The following VPS13B variants were observed in gnomAD, a reference collection of about 807,000 sequenced individuals.
The protein encoded by VPS13B is intermembrane lipid transfer protein VPS13B.
Under a neutral mutation model 426.4 loss-of-function variants are expected in VPS13B, and 285 were observed. The observed-to-expected ratio is 0.67, with a 90% confidence interval of 0.61 to 0.74. The LOEUF is 0.74. Among genes scored for constraint, VPS13B ranks in the 30% least tolerant of loss-of-function variants. The pLI is 0.00. For synonymous variants in VPS13B, 1,676 were observed against 1,676.4 expected, an observed-to-expected ratio of 1.00 and a Z score of 0.01; for missense variants, 4,537 against 4,782.6, an observed-to-expected ratio of 0.95 and a Z score of 1.51.
chr8:99,371,959 C>CAAAG (rs1477692683), intron 19 of VPS13B, among the ~76,000 whole-genome samples: 1 of 152,124 alleles, frequency 6.6e-6, no homozygotes, highest in Non-Finnish European at 1.5e-5. Flanking sequence ...TAGGCATGGG[C>CAAAG]AAAGACTTCA....
chr8:99,442,157 G>T (rs1335984967), intron 22 of VPS13B, among the ~76,000 whole-genome samples: 11 of 151,976 alleles, frequency 7.2e-5, no homozygotes, highest in Admixed American at 7.2e-4. Context: ...ACTCAATCTT[G>T]TGTCTTGGAA....
At chr8:99,112,831 A>G (rs1847437335) in intron 6 of VPS13B, among the ~76,000 whole-genome samples, 1 of 152,124 alleles carries the variant, frequency 6.6e-6, no homozygotes, top group Non-Finnish European at 1.5e-5. Context: ...ATGAGGAAAA[A>G]CTTAGTGTTG....
At chr8:99,283,159 C>T (rs1413431932) in intron 19 of VPS13B, among the ~76,000 whole-genome samples, 1 of 152,094 alleles carries the variant, frequency 6.6e-6, no homozygotes, top group Non-Finnish European at 1.5e-5. Flanking sequence ...AAAAATTCTG[C>T]TCCTAATGTA....
intron 61 of VPS13B, among the ~76,000 whole-genome samples, chr8:99,872,087 A>C (rs115522621): frequency 0.017 from 2,522 of 152,252 alleles, 71 homozygotes; most frequent in African/African-American, 0.058. Flanking sequence ...TGGGGCAGCA[A>C]TTCCACGCAA....
intron 3 of VPS13B, among the ~76,000 whole-genome samples, chr8:99,043,840 G>A (rs1843079496): frequency 6.6e-6 from 1 of 151,970 alleles, no homozygotes; most frequent in Admixed American, 6.6e-5. Flanking sequence ...GTTATGTTGT[G>A]GAGTTTGCTG....
chr8:99,121,097 A>C, intron 7 of VPS13B, 80 bp from the exon 8 acceptor site: 2 of 1,427,888 alleles, frequency 1.4e-6, no homozygotes, highest in Non-Finnish European at 1.9e-6. Context: ...ATGGGAGGAA[A>C]AATTTTAAAG....
intron 24 of VPS13B, among the ~76,000 whole-genome samples, chr8:99,479,826 A>G (rs896674070): frequency 6.6e-6 from 1 of 152,156 alleles, no homozygotes; most frequent in Non-Finnish European, 1.5e-5. Flanking sequence ...ATTTTCTCCA[A>G]TTTTTGCCTA....
At chr8:99,482,080 T>C (rs1402604609) in intron 25 of VPS13B, among the ~76,000 whole-genome samples, 1 of 152,010 alleles carries the variant, frequency 6.6e-6, no homozygotes, top group Non-Finnish European at 1.5e-5. Flanking sequence ...CTCGGAAGTA[T>C]GGAAATGTAG....
chr8:99,495,499 T>G (rs751624783), intron 25 of VPS13B, among the ~76,000 whole-genome samples: 7 of 152,166 alleles, frequency 4.6e-5, no homozygotes, highest in South Asian at 2.1e-4. Context: ...ACTGTGTAAT[T>G]TAGTGTTGGG....
intron 7 of VPS13B, among the ~76,000 whole-genome samples, chr8:99,119,040 A>G (rs868225456): frequency 7.9e-5 from 12 of 152,260 alleles, no homozygotes; most frequent in African/African-American, 2.4e-4. Context: ...CTAACATTCA[A>G]TGGTGTATTT....
At chr8:99,066,076 T>C (rs202073432) in intron 3 of VPS13B, among the ~76,000 whole-genome samples, 10 of 152,252 alleles carry the variant, frequency 6.6e-5, no homozygotes, top group Admixed American at 3.9e-4. Context: ...GCCATACTGC[T>C]CAAGGTAATT....
intron 35 of VPS13B, chr8:99,695,954 A>G (rs1046580654): frequency 6.6e-6 from 1 of 152,254 alleles, no homozygotes; most frequent in Non-Finnish European, 1.5e-5. Flanking sequence ...CAGAAGTCCA[A>G]CTGCTGCTTG....
intron 17 of VPS13B, among the ~76,000 whole-genome samples, chr8:99,239,419 T>C (rs1816803898): frequency 6.6e-6 from 1 of 152,150 alleles, no homozygotes; most frequent in Non-Finnish European, 1.5e-5. Context: ...TTACATGTGG[T>C]TTTGTTTATT....
intron 61 of VPS13B, among the ~76,000 whole-genome samples, chr8:99,874,773 A>G (rs1817607752): frequency 6.6e-6 from 1 of 152,228 alleles, no homozygotes; most frequent in South Asian, 2.1e-4. Flanking sequence ...ACTGAAGATG[A>G]GCCAGACTTT....
chr8:99,461,115 A>T (rs1818807779), intron 23 of VPS13B, among the ~76,000 whole-genome samples: 1 of 151,814 alleles, frequency 6.6e-6, no homozygotes, highest in African/African-American at 2.4e-5. Flanking sequence ...TGCAAGTCTA[A>T]CCCAAATCCT....
chr8:99,161,604 AT>A (rs962694368), intron 15 of VPS13B, among the ~76,000 whole-genome samples: 1 of 152,016 alleles, frequency 6.6e-6, no homozygotes, highest in African/African-American at 2.4e-5. Flanking sequence ...TTTCTTTTAT[AT>A]TTTGGCTTGT....
At chr8:99,624,287 T>C (rs2035619) in intron 33 of VPS13B, among the ~76,000 whole-genome samples, 28,916 of 151,898 alleles carry the variant, frequency 0.19, 3,318 homozygotes, top group East Asian at 0.45. Flanking sequence ...GGAATGGAAA[T>C]GGCATTAGAT....
At chr8:99,606,269 T>A in intron 33 of VPS13B, among the ~76,000 whole-genome samples, 1 of 152,046 alleles carries the variant, frequency 6.6e-6, no homozygotes, top group East Asian at 1.9e-4. Flanking sequence ...GACATTACTA[T>A]TATATTCGTG....
chr8:99,171,940 A>G (rs919407859), intron 16 of VPS13B, among the ~76,000 whole-genome samples: 1 of 152,156 alleles, frequency 6.6e-6, no homozygotes, highest in African/African-American at 2.4e-5. Flanking sequence ...TTTCCCTGGG[A>G]CGTCAGAGAT....
Sources: allele counts gnomAD v4.1 joint callset (sites outside exome capture counted in the v4.1 genomes callset), GRCh38; gene constraint gnomAD v4.1.1; transcripts MANE v1.5; gene names NCBI Gene and HGNC (gene_info 2026-07-23, HGNC 2026-07-21).